The following MAP2 variants were observed in gnomAD, a reference collection of about 807,000 sequenced individuals.
The protein encoded by MAP2 is microtubule-associated protein 2.
Under a neutral mutation model 137.6 loss-of-function variants are expected in MAP2, and 14 were observed. The observed-to-expected ratio is 0.10, with a 90% CI of 0.07 to 0.16. The LOEUF (loss-of-function observed/expected upper bound fraction) is 0.16, where lower values mean the gene tolerates loss of function less well. Ranked by LOEUF, MAP2 falls within the 10% of genes least tolerant of loss-of-function variation. The pLI is 1.00. For synonymous variants in MAP2, 786 were observed against 782.3 expected, an observed-to-expected ratio of 1.00 and a Z score of -0.08; for missense variants, 2,088 against 2,191.5, an observed-to-expected ratio of 0.95 and a Z score of 0.94.
At chr2:209,659,407 A>T (rs993529167) in intron 5 of MAP2, among the ~76,000 whole-genome samples, 7 of 152,176 alleles carry the variant, frequency 4.6e-5, no homozygotes, top group Non-Finnish European at 7.3e-5. Context: ...CACAGTAGAT[A>T]ATATGACTAC....
At chr2:209,542,391 A>G (rs894287926) in intron 2 of MAP2, among the ~76,000 whole-genome samples, 1 of 152,182 alleles carries the variant, frequency 6.6e-6, no homozygotes, top group Non-Finnish European at 1.5e-5. Flanking sequence ...TACGGGCCCT[A>G]GGATTTTTGG....
At chr2:209,643,184 A>G (rs1465962556) in intron 4 of MAP2, among the ~76,000 whole-genome samples, 1 of 152,196 alleles carries the variant, frequency 6.6e-6, no homozygotes, top group Non-Finnish European at 1.5e-5. Context: ...AGACATGCCT[A>G]TCTGGCACAT....
intron 3 of MAP2, among the ~76,000 whole-genome samples, chr2:209,617,558 A>G (rs983482605): frequency 3.3e-5 from 5 of 152,190 alleles, no homozygotes; most frequent in African/African-American, 4.8e-5. Context: ...AAGAGAGCTC[A>G]GAGAAGCCTG....
chr2:209,436,475 T>G (rs1696322465), intron 1 of MAP2, among the ~76,000 whole-genome samples: 1 of 151,704 alleles, frequency 6.6e-6, no homozygotes, highest in African/African-American at 2.4e-5. Context: ...TAAAAACAAG[T>G]GACAGTCCCA....
At chr2:209,585,366 A>C (rs991089566) in intron 3 of MAP2, among the ~76,000 whole-genome samples, 5 of 152,146 alleles carry the variant, frequency 3.3e-5, no homozygotes, top group African/African-American at 4.8e-5. Context: ...TGTTGCTGGG[A>C]GTATTATTTA....
At chr2:209,643,644 C>T (rs9288411) in intron 4 of MAP2, among the ~76,000 whole-genome samples, 6,786 of 152,226 alleles carry the variant, frequency 0.045, 344 homozygotes, top group South Asian at 0.23. Context: ...GTTCGAAAGA[C>T]GATTTGAAAA....
intron 1 of MAP2, 54 bp downstream of exon 1, chr2:209,424,330 C>T (rs897920942): frequency 1.3e-5 from 2 of 152,242 alleles, no homozygotes; most frequent in Non-Finnish European, 2.9e-5. Context: ...CCTTTTGCCT[C>T]GGTCTCTGAG....
Position 209,637,944 on chromosome 2 carries a change from C to G in MAP2, c.-30+12815C>G, listed in dbSNP as rs1456473082. 9.2e-5 allele frequency among the ~76,000 whole-genome samples: 14 copies of G among 151,958 alleles called. No homozygotes were observed. The East Asian group carries it at 2.3e-3, about 25-fold the overall frequency. On this transcript the variant is annotated intron_variant, in intron 4 of 15. Coordinates refer to ENST00000682079, the MANE Select transcript of MAP2 (RefSeq NM_001375505.1). ...GCATATGATGGGTCTATTTTTATAT[C>G]TAAGTATTTTGCCTACAGGCCCACC...
intron 2 of MAP2, among the ~76,000 whole-genome samples, chr2:209,549,899 G>A (rs2068826656): frequency 6.6e-6 from 1 of 152,094 alleles, no homozygotes; most frequent in Non-Finnish European, 1.5e-5. Flanking sequence ...CTCACCCTCT[G>A]GGAACTATAA....
chr2:209,483,034 G>A (rs2057928595), intron 1 of MAP2, among the ~76,000 whole-genome samples: 1 of 152,110 alleles, frequency 6.6e-6, no homozygotes, highest in Non-Finnish European at 1.5e-5. Flanking sequence ...AAAGCGCTGA[G>A]TTTAGAACTA....
intron 2 of MAP2, among the ~76,000 whole-genome samples, chr2:209,534,959 G>A (rs1284631054): frequency 7.3e-6 from 1 of 136,294 alleles, no homozygotes; most frequent in Non-Finnish European, 1.6e-5. Context: ...AAATCCAGTG[G>A]TTTTTAGTAT....
rs1290795337 is a variant in MAP2, at chr2:209,705,963, G to T, written c.4732+236G>T. ...CCCTATTATCTAAGACTGATATAAA[G>T]TTATTTCTCTAAGAATATATTTTTC... On this transcript the variant is annotated intron_variant, in intron 12 of 15. Coordinates refer to ENST00000682079, the MANE Select transcript of MAP2 (RefSeq NM_001375505.1). Among the ~76,000 whole-genome samples, 3 of 152,098 alleles carry T rather than the reference G, an allele frequency of 2.0e-5. 1 individual carries two copies. Among genetic ancestry groups the T allele is most frequent in the Non-Finnish European group, 4.4e-5 (3 of 68,010 alleles).
At chr2:209,451,864 T>C (rs975595732) in intron 1 of MAP2, among the ~76,000 whole-genome samples, 61 of 152,334 alleles carry the variant, frequency 4.0e-4, no homozygotes, top group African/African-American at 1.4e-3. Flanking sequence ...TCTTGCAACC[T>C]AATCCTCTCT....
intron 4 of MAP2, among the ~76,000 whole-genome samples, chr2:209,647,714 G>T (rs1238925937): frequency 6.6e-6 from 1 of 152,074 alleles, no homozygotes; most frequent in Non-Finnish European, 1.5e-5. Flanking sequence ...GTGCAGCAGT[G>T]ATCAGTGGTC....
At chr2:209,627,867 C>A (rs1000277959) in intron 4 of MAP2, among the ~76,000 whole-genome samples, 2 of 152,104 alleles carry the variant, frequency 1.3e-5, no homozygotes, top group East Asian at 3.9e-4. Context: ...AGGTGATTAC[C>A]TTTGAAATTG....
chr2:209,522,287 G>C (rs2063390624), intron 2 of MAP2, among the ~76,000 whole-genome samples: 1 of 152,070 alleles, frequency 6.6e-6, no homozygotes, highest in Non-Finnish European at 1.5e-5. Context: ...CTGTAAATAT[G>C]GCTAATGCAA....
intron 1 of MAP2, among the ~76,000 whole-genome samples, chr2:209,496,775 C>T (rs2059797603): frequency 6.6e-6 from 1 of 152,064 alleles, no homozygotes; most frequent in African/African-American, 2.4e-5. Flanking sequence ...CATCCTGTGC[C>T]TTTCCTGGCC....
At chr2:209,575,431 G>T (rs1171944539) in intron 2 of MAP2, among the ~76,000 whole-genome samples, 1 of 139,486 alleles carries the variant, frequency 7.2e-6, no homozygotes, top group Non-Finnish European at 1.5e-5. Flanking sequence ...TGAGGCAGGA[G>T]AATGGCGTGA....
chr2:209,628,492 T>C (rs776600082), intron 4 of MAP2, among the ~76,000 whole-genome samples: 2 of 152,136 alleles, frequency 1.3e-5, no homozygotes, highest in Non-Finnish European at 2.9e-5. Flanking sequence ...TGCCTTATCA[T>C]CTCTACCTAT....
Sources: gnomAD v4.1 joint callset for allele counts (sites outside exome capture counted in the v4.1 genomes callset) on GRCh38, gnomAD v4.1.1 for gene constraint, MANE v1.5 for transcripts, NCBI Gene and HGNC (gene_info 2026-07-23, HGNC 2026-07-21) for gene names.